The following AGO2 variants were observed in gnomAD, a reference collection of about 807,000 sequenced individuals.
AGO2 encodes protein argonaute-2.
Under a neutral mutation model 102.3 loss-of-function variants are expected in AGO2, and 5 were observed. That is an observed-to-expected ratio of 0.05 (90% CI 0.03 to 0.10). The LOEUF is 0.10. Among genes scored for constraint, AGO2 ranks in the 10% least tolerant of loss-of-function variants. The probability of loss-of-function intolerance (pLI) is 1.00; values close to 1 mark genes in which losing one functional copy is unlikely to be tolerated. For synonymous variants in AGO2, 449 were observed against 473.1 expected, an observed-to-expected ratio of 0.95 and a Z score of 0.66; for missense variants, 541 against 1,183.7, an observed-to-expected ratio of 0.46 and a Z score of 7.97.
chr8:140,544,266 C>A lies in AGO2; in HGVS notation c.1786G>T (p.Ala596Ser). The change falls in exon 14 of 19, where the codon GCA (alanine) becomes TCA (serine). Residue 596 changes from alanine to serine, a missense_variant. Coordinates refer to ENST00000220592, the MANE Select transcript of AGO2 (RefSeq NM_012154.5). ...CCGGCGGGGGGGTGAGTGACGTCTGCTCCCAGAAAGATGACGGGCTGCTGG... is the reference window on the plus strand; with the variant it reads ...CCGGCGGGGGGGTGAGTGACGTCTGATCCCAGAAAGATGACGGGCTGCTGG... Reference protein sequence around the residue: ...VFQQPVIFLGADVTHPPAGDG... With the variant: ...VFQQPVIFLGSDVTHPPAGDG... 6.2e-7 allele frequency: 1 copy of A among 1,603,270 alleles called. No individual in the cohort carries two copies. The highest frequency in any genetic ancestry group is 8.5e-7 in the Non-Finnish European group (1 of 1,175,842).
intron 1 of AGO2, chr8:140,626,706 T>A (rs916031635): frequency 6.6e-6 from 1 of 152,254 alleles, no homozygotes; most frequent in African/African-American, 2.4e-5. Flanking sequence ...CAACGTCACA[T>A]GAGCCCCCAG....
rs2072525957 is a variant in AGO2, at chr8:140,527,502, GAGTC to G, written c.*4538_*4541del. The G allele has an allele frequency of 6.5e-6, 1 of 153,160 alleles. No individual in the cohort carries two copies. Among genetic ancestry groups the G allele is most frequent in the Non-Finnish European group, 1.5e-5 (1 of 68,034 alleles). 9.5% of individuals were successfully genotyped at this position (153,160 alleles called of 1,614,324 possible). On this transcript the variant is annotated 3_prime_UTR_variant, in exon 19 of 19. Transcript: ENST00000220592. This position sits in a 1 kb window ranked among gnomAD's most constrained non-coding sequence, Gnocchi z 6.0. Reference sequence around the variant, plus strand: ...AGTCGAAGATTTTCCTCATAAAAAAGAGTCAGCGTGTGTGTGTGTAACAGGGGCA... The same window carrying G: ...AGTCGAAGATTTTCCTCATAAAAAAGAGCGTGTGTGTGTGTAACAGGGGCA...
chr8:140,613,580 C>T (rs79306598), intron 1 of AGO2, among the ~76,000 whole-genome samples: 69 of 152,242 alleles, frequency 4.5e-4, no homozygotes, highest in African/African-American at 1.5e-3. Context: ...AGTGGATTGT[C>T]ATCTAGAGTA....
At chr8:140,628,748 G>C (rs565965347) in intron 1 of AGO2, among the ~76,000 whole-genome samples, 107 of 151,828 alleles carry the variant, frequency 7.0e-4, no homozygotes, top group African/African-American at 2.5e-3. Context: ...CTGGGCAACA[G>C]AGTGAGACCC....
Position 140,532,595 on chromosome 8 carries a change from G to C in AGO2, c.2292C>G (p.His764Gln). Residue 764 changes from histidine to glutamine, a missense_variant, in exon 18 of 19, where the codon CAC becomes CAG. His to Gln is a conservative substitution (Grantham distance 24). Coordinates refer to ENST00000220592, the MANE Select transcript of AGO2 (RefSeq NM_012154.5). ...AGIQGTSRPS[H>Q]YHVLWDDNRF... ...GATTGTCGTCCCAGAGGACGTGATA[G>C]TGCGAAGGCCTGCTTGTCCCCTAAA... 1 of 1,614,274 alleles carries C rather than the reference G, an allele frequency of 6.2e-7. No homozygotes were observed. The highest frequency in any genetic ancestry group is 8.5e-7 in the Non-Finnish European group (1 of 1,180,058).
At chr8:140,561,204 C>T (rs2073196049) in intron 4 of AGO2, among the ~76,000 whole-genome samples, 1 of 152,258 alleles carries the variant, frequency 6.6e-6, no homozygotes, top group Non-Finnish European at 1.5e-5. Flanking sequence ...TGCACGGGCA[C>T]CGTGGGGTCT....
intron 1 of AGO2, among the ~76,000 whole-genome samples, chr8:140,586,295 C>T (rs1230857796): frequency 1.3e-5 from 2 of 152,166 alleles, no homozygotes; most frequent in Admixed American, 6.5e-5. Flanking sequence ...GAGTTTGAGA[C>T]CAGCCTGGCC....
chr8:140,633,223 A>G (rs1209820230), intron 1 of AGO2, among the ~76,000 whole-genome samples: 1 of 152,236 alleles, frequency 6.6e-6, no homozygotes, highest in Non-Finnish European at 1.5e-5. Flanking sequence ...TAAATTAGAA[A>G]GTATAAGATT....
chr8:140,547,182 C>T (rs780137153), intron 13 of AGO2, among the ~76,000 whole-genome samples: 1 of 152,204 alleles, frequency 6.6e-6, no homozygotes, highest in Non-Finnish European at 1.5e-5. Flanking sequence ...ATCTCCTGGC[C>T]ATCCAAGGCA....
At chr8:140,611,084 T>G (rs896770796) in intron 1 of AGO2, among the ~76,000 whole-genome samples, 10 of 152,168 alleles carry the variant, frequency 6.6e-5, no homozygotes, top group African/African-American at 2.4e-4. Context: ...TCCGGGGAGC[T>G]TCAGGGAGGT....
At chr8:140,618,312 T>G (rs1160098746) in intron 1 of AGO2, among the ~76,000 whole-genome samples, 1 of 142,398 alleles carries the variant, frequency 7.0e-6, no homozygotes, top group Non-Finnish European at 1.5e-5. Flanking sequence ...AGAGCAAGAC[T>G]CCGTCTCAGG....
In AGO2 at chr8:140,558,466, G is replaced by C. The variant is rs1325718989; in HGVS notation, c.878+19C>G. On this transcript the variant is annotated intron_variant, in intron 7 of 18. Coordinates refer to ENST00000220592, the MANE Select transcript of AGO2 (RefSeq NM_012154.5). ...GTGGGGGCCCCAGCCAAGAGAGTCT[G>C]AAAGGAAGGGCGTGTTACGTTTGGT... The C allele has an allele frequency of 1.2e-6, 2 of 1,613,880 alleles. No individual in the cohort carries two copies. The highest frequency in any genetic ancestry group is 2.2e-5 in the East Asian group (1 of 44,896).
chr8:140,560,133 C>T (rs925405974), intron 5 of AGO2, among the ~76,000 whole-genome samples: 8 of 152,240 alleles, frequency 5.3e-5, no homozygotes, highest in African/African-American at 1.9e-4. Context: ...CTCAGGCCCG[C>T]CTCAGCCCCT....
intron 17 of AGO2, among the ~76,000 whole-genome samples, chr8:140,533,354 A>G (rs1057328857): frequency 6.8e-6 from 1 of 147,936 alleles, no homozygotes; most frequent in Non-Finnish European, 1.5e-5. Flanking sequence ...GTGCCACTGC[A>G]CTCCAGCCTA....
In AGO2 at chr8:140,532,748, G is replaced by A. The variant is rs1487402467; in HGVS notation, c.2272-133C>T. 7.0e-5 allele frequency: 73 copies of A among 1,046,870 alleles called. 1 individual carries two copies. The Middle Eastern group carries it at 1.2e-3, about 17-fold the overall frequency. 64.8% of individuals were successfully genotyped at this position (1,046,870 alleles called of 1,614,324 possible). ...ACGGAGGCTCACGCCTGTAATCCCA[G>A]CACTTTGGGAGGCCAAGGCGGGCAG... is the stretch of plus-strand genomic sequence containing the variant. On this transcript the variant is annotated intron_variant, in intron 17 of 18. Coordinates refer to ENST00000220592, the MANE Select transcript of AGO2 (RefSeq NM_012154.5).
intron 11 of AGO2, 103 bp from the exon 12 acceptor site, chr8:140,549,401 G>T (rs1332420186): frequency 1.6e-6 from 2 of 1,224,906 alleles, no homozygotes; most frequent in South Asian, 1.6e-5. Context: ...AAAGCCCAAA[G>T]CACTTTCATT....
At chr8:140,577,145 T>G (rs1307306043) in intron 2 of AGO2, among the ~76,000 whole-genome samples, 2 of 144,458 alleles carry the variant, frequency 1.4e-5, no homozygotes, top group Non-Finnish European at 3.0e-5. Flanking sequence ...GAGGCGGAGC[T>G]TGCAGTGAGC....
intron 1 of AGO2, among the ~76,000 whole-genome samples, chr8:140,613,657 G>A (rs1032057950): frequency 2.0e-5 from 3 of 152,066 alleles, no homozygotes; most frequent in Non-Finnish European, 2.9e-5. Context: ...TGGCAGAATC[G>A]GCGACAAATG....
At chr8:140,634,403 C>G (rs1409236045) in intron 1 of AGO2, among the ~76,000 whole-genome samples, 1 of 152,174 alleles carries the variant, frequency 6.6e-6, no homozygotes, top group Non-Finnish European at 1.5e-5. Context: ...AAGCCCAGAG[C>G]CCGGCGGGGC....
Sources: allele counts gnomAD v4.1 joint callset (sites outside exome capture counted in the v4.1 genomes callset), GRCh38; gene constraint gnomAD v4.1.1; non-coding constraint Gnocchi (gnomAD v3.1); transcripts MANE v1.5; gene names NCBI Gene and HGNC (gene_info 2026-07-23, HGNC 2026-07-21).